The following ATP8A1 variants were observed in gnomAD, a reference collection of about 807,000 sequenced individuals.
The protein encoded by ATP8A1 is ATPase phospholipid transporting 8A1, also known as phospholipid-transporting ATPase IA.
ATP8A1 carries 90 observed loss-of-function variants against 177.7 expected under a neutral mutation model. The ratio of observed to expected loss-of-function variants is 0.51; its 90% CI spans 0.43 to 0.60. The LOEUF (loss-of-function observed/expected upper bound fraction) is 0.60. Among genes scored for constraint, ATP8A1 ranks in the 20% least tolerant of loss-of-function variants. ATP8A1 has a pLI of 0.00. For missense variants in ATP8A1, 1,072 were observed against 1,392.8 expected, an observed-to-expected ratio of 0.77 and a Z score of 3.67; for synonymous variants, 493 against 485.9, an observed-to-expected ratio of 1.01 and a Z score of -0.19.
intron 24 of ATP8A1, among the ~76,000 whole-genome samples, chr4:42,490,145 G>A (rs140038222): frequency 3.3e-5 from 5 of 152,230 alleles, no homozygotes; most frequent in African/African-American, 1.2e-4. Context: ...AGCCTGTGTG[G>A]TCATTCTGGA....
intron 15 of ATP8A1, among the ~76,000 whole-genome samples, chr4:42,564,462 C>T (rs955076506): frequency 6.6e-6 from 1 of 152,228 alleles, no homozygotes; most frequent in Non-Finnish European, 1.5e-5. Context: ...TGGGAACCCA[C>T]CTCTTGCATC....
chr4:42,450,509 C>T (rs530219043), intron 30 of ATP8A1, among the ~76,000 whole-genome samples: 1 of 152,294 alleles, frequency 6.6e-6, no homozygotes, highest in African/African-American at 2.4e-5. Flanking sequence ...AACAAGCAAG[C>T]AACAAACTAA....
At chr4:42,563,025 A>G (rs1730998959) in intron 15 of ATP8A1, among the ~76,000 whole-genome samples, 1 of 152,244 alleles carries the variant, frequency 6.6e-6, no homozygotes, top group African/African-American at 2.4e-5. Context: ...AAGATACCCG[A>G]AAATGTGGAA....
At chr4:42,468,226 G>A (rs1271344162) in intron 25 of ATP8A1, among the ~76,000 whole-genome samples, 2 of 152,002 alleles carry the variant, frequency 1.3e-5, no homozygotes, top group African/African-American at 4.8e-5. Flanking sequence ...CCCACTATGG[G>A]GTATCTACCC....
chr4:42,436,150 G>A (rs931216591), intron 33 of ATP8A1, among the ~76,000 whole-genome samples: 1 of 152,158 alleles, frequency 6.6e-6, no homozygotes, highest in Non-Finnish European at 1.5e-5. Flanking sequence ...GCTTCGTTCA[G>A]CTTTCATACG....
At chr4:42,551,758 C>T (rs568234975) in intron 17 of ATP8A1, among the ~76,000 whole-genome samples, 1 of 152,114 alleles carries the variant, frequency 6.6e-6, no homozygotes, top group South Asian at 2.1e-4. Context: ...TAAATAAAAC[C>T]TTTTTATTGC....
intron 24 of ATP8A1, among the ~76,000 whole-genome samples, chr4:42,495,317 A>G (rs1305974037): frequency 6.6e-6 from 1 of 152,260 alleles, no homozygotes; most frequent in Non-Finnish European, 1.5e-5. Flanking sequence ...GGCTCCCATA[A>G]TAACATATGG....
chr4:42,495,459 G>A (rs1723174049), intron 24 of ATP8A1, among the ~76,000 whole-genome samples: 1 of 152,150 alleles, frequency 6.6e-6, no homozygotes, highest in Non-Finnish European at 1.5e-5. Flanking sequence ...GTAAAAGAAC[G>A]TATGCCTGAG....
chr4:42,427,039 A>T lies in ATP8A1; in HGVS notation c.3124-3334T>A, dbSNP rs143447945. Among the ~76,000 whole-genome samples the T allele has an allele frequency of 1.5e-3, 227 of 152,352 alleles. 1 individual carries two copies. The highest frequency in any genetic ancestry group is 3.4e-3 in the Middle Eastern group (1 of 294). On this transcript the variant is annotated intron_variant, in intron 33 of 36. Coordinates refer to ENST00000381668, the MANE Select transcript of ATP8A1 (RefSeq NM_006095.2). ...GCAGTAAGAGAAATGAATAACTTCC[A>T]GAGTAGTTGCGTTAACGCTGGGAAC...
At chr4:42,413,046 A>G in intron 36 of ATP8A1, 33 bp from the exon 37 acceptor site, 1 of 1,582,382 alleles carries the variant, frequency 6.3e-7, no homozygotes, top group Non-Finnish European at 8.7e-7. Context: ...AAATTCTCAC[A>G]AAGGCACTGG....
intron 15 of ATP8A1, among the ~76,000 whole-genome samples, chr4:42,566,318 A>G (rs1271112632): frequency 2.6e-5 from 4 of 152,204 alleles, no homozygotes; most frequent in Non-Finnish European, 5.9e-5. Flanking sequence ...TTTACATGAA[A>G]CTGAAGCTGC....
intron 17 of ATP8A1, 58 bp from the exon 18 acceptor site, chr4:42,551,338 A>AC (rs551940298): frequency 6.6e-6 from 8 of 1,215,332 alleles, no homozygotes; most frequent in Non-Finnish European, 8.6e-6. Context: ...TATTCTCAGC[A>AC]CAAGAGAAGT....
At chr4:42,656,277 G>C (rs543951911) in intron 1 of ATP8A1, among the ~76,000 whole-genome samples, 9 of 152,328 alleles carry the variant, frequency 5.9e-5, no homozygotes, top group African/African-American at 1.4e-4. Flanking sequence ...CCTCAGACGC[G>C]AGCCGGTGGG....
At chr4:42,414,580 A>G (rs1713006492) in intron 36 of ATP8A1, 47 bp downstream of exon 36, 1 of 1,469,698 alleles carries the variant, frequency 6.8e-7, no homozygotes, top group Non-Finnish European at 9.5e-7. Flanking sequence ...GCTATGATAC[A>G]GCAATGGCAG....
Position 42,412,247 on chromosome 4 carries a change from G to GA in ATP8A1, c.*668dup, listed in dbSNP as rs1427536182. 6.6e-6 allele frequency: 1 copy of GA among 152,156 alleles called. No homozygotes were observed. The highest frequency in any genetic ancestry group is 6.6e-5 in the Admixed American group (1 of 15,264). The allele number at this position is 152,156 out of a possible 1,614,324, so 9.4% of individuals were successfully genotyped here. A position where few individuals can be genotyped will look rare whatever the true frequency, so the allele number is the denominator to read the frequency against. On this transcript the variant is annotated 3_prime_UTR_variant, in exon 37 of 37. Coordinates refer to ENST00000381668, the MANE Select transcript of ATP8A1 (RefSeq NM_006095.2). ...CACCGATTTTAGTAGCAAATGCCTT[G>GA]AAATATTCATTTTTGTAAATCACTC... is the stretch of plus-strand genomic sequence containing the variant.
intron 24 of ATP8A1, among the ~76,000 whole-genome samples, chr4:42,492,635 A>G (rs1398528744): frequency 6.6e-6 from 1 of 152,240 alleles, no homozygotes; most frequent in Admixed American, 6.5e-5. Flanking sequence ...CTTGGTCTCC[A>G]GAAATGTGGG....
chr4:42,566,473 T>C (rs1230035771), intron 15 of ATP8A1, among the ~76,000 whole-genome samples: 2 of 152,304 alleles, frequency 1.3e-5, no homozygotes, highest in East Asian at 1.9e-4. Context: ...CTTGGTTTCA[T>C]TGGCAATGTG....
At chr4:42,524,421 G>GT (rs57749223) in intron 21 of ATP8A1, among the ~76,000 whole-genome samples, 4,049 of 144,750 alleles carry the variant, frequency 0.028, 143 homozygotes, top group African/African-American at 0.089. Flanking sequence ...TAGAATATCT[G>GT]TTTTTTTTTT....
chr4:42,421,138 A>G (rs1713875388), intron 35 of ATP8A1, among the ~76,000 whole-genome samples: 1 of 152,180 alleles, frequency 6.6e-6, no homozygotes, highest in African/African-American at 2.4e-5. Flanking sequence ...AGCTGAATTT[A>G]CTGACAAACT....
Sources: allele counts gnomAD v4.1 joint callset (sites outside exome capture counted in the v4.1 genomes callset), GRCh38; gene constraint gnomAD v4.1.1; transcripts MANE v1.5; gene names NCBI Gene and HGNC (gene_info 2026-07-23, HGNC 2026-07-21).